The following ADAMTSL2 variants were observed in gnomAD, a reference collection of about 807,000 sequenced individuals.
The protein encoded by ADAMTSL2 is ADAMTS like 2.
In ADAMTSL2, 55 loss-of-function variants were observed where a neutral mutation model predicts 117.0. The observed-to-expected ratio is 0.47, with a 90% CI of 0.38 to 0.59. ADAMTSL2 has a LOEUF of 0.59. ADAMTSL2 is among the 20% of genes least tolerant of loss of function. The probability of loss-of-function intolerance (pLI) is 0.00; values close to 1 mark genes in which losing one functional copy is unlikely to be tolerated. For synonymous variants in ADAMTSL2, 572 were observed against 566.4 expected (o/e 1.01, Z -0.14); for missense variants, 1,182 against 1,354.5 (o/e 0.87, Z 2.00).
At chr9:133,543,266 G>T (rs1474749791) in intron 7 of ADAMTSL2, among the ~76,000 whole-genome samples, 1 of 152,212 alleles carries the variant, frequency 6.6e-6, no homozygotes, top group African/African-American at 2.4e-5. Flanking sequence ...CGGGTGTGCT[G>T]CAGCCTCTCT....
intron 2 of ADAMTSL2, 30 bp downstream of exon 2, chr9:133,536,832 A>T: frequency 6.2e-7 from 1 of 1,613,788 alleles, no homozygotes; most frequent in Non-Finnish European, 8.5e-7. Flanking sequence ...CTGAGGGCCC[A>T]TGCCAGTCCC....
intron 9 of ADAMTSL2, among the ~76,000 whole-genome samples, chr9:133,547,487 T>C (rs1433024789): frequency 4.6e-5 from 7 of 152,252 alleles, no homozygotes; most frequent in African/African-American, 1.7e-4. Context: ...ATTAATTCAT[T>C]TACCTGTTCA....
chr9:133,574,630 C>A (rs1422988517), intron 18 of ADAMTSL2, 116 bp from the exon 19 acceptor site: 1 of 843,500 alleles, frequency 1.2e-6, no homozygotes, highest in Non-Finnish European at 2.1e-6. Context: ...GATGGAGACC[C>A]ACCACGGGGT....
chr9:133,538,718 C>T (rs28580320), intron 4 of ADAMTSL2, among the ~76,000 whole-genome samples: 69 of 152,254 alleles, frequency 4.5e-4, no homozygotes, highest in African/African-American at 1.5e-3. Context: ...GGTCTCTGGT[C>T]GCAGCTCCAC....
In ADAMTSL2 at chr9:133,554,326, A is replaced by G. The variant is rs1328790668; in HGVS notation, c.940-31A>G. 11 of 1,522,804 alleles carry G rather than the reference A, an allele frequency of 7.2e-6. No individual in the cohort carries two copies. The African/African-American group carries it at 1.1e-4, about 15-fold the overall frequency. 94.3% of individuals were successfully genotyped at this position (1,522,804 alleles called of 1,614,324 possible). ...GGGGAAGGGGCTGGACAGAGTAAGG[A>G]GGGGCTGGGGACCCACTTCTCTTTC... On this transcript the variant is annotated intron_variant, in intron 9 of 18. Transcript: ENST00000651351. This position sits in a 1 kb window ranked among gnomAD's most constrained non-coding sequence, Gnocchi z 5.2.
At chr9:133,571,381 T>C (rs369395613) in intron 17 of ADAMTSL2, among the ~76,000 whole-genome samples, 1 of 152,096 alleles carries the variant, frequency 6.6e-6, no homozygotes, top group Non-Finnish European at 1.5e-5. Context: ...AACCAGCTCA[T>C]CCCAAGGGGC....
intron 1 of ADAMTSL2, among the ~76,000 whole-genome samples, chr9:133,536,345 G>A (rs1359163902): frequency 6.6e-6 from 1 of 152,248 alleles, no homozygotes; most frequent in Non-Finnish European, 1.5e-5. Context: ...AGCCCCCTCA[G>A]CCGAGGCTGG....
At chr9:133,533,795 C>T (rs1829987909), upstream of ADAMTSL2, among the ~76,000 whole-genome samples, 1 of 152,212 alleles carries the variant, frequency 6.6e-6, no homozygotes, top group South Asian at 2.1e-4. Context: ...GATGAAAAGA[C>T]ACAGATGACC....
chr9:133,538,365 G>C lies in ADAMTSL2; in HGVS notation c.250G>C (p.Gly84Arg). Residue 84 changes from glycine to arginine, a missense_variant, in exon 4 of 19, where the codon GGC (glycine) becomes CGC (arginine). Physicochemically the swap from Gly to Arg is moderately radical, Grantham distance 125. Coordinates refer to ENST00000651351, the MANE Select transcript of ADAMTSL2 (RefSeq NM_014694.4). Reference protein sequence around the residue: ...CLQQRRKSVPGPGNRTCTGTS... With the variant: ...CLQQRRKSVPRPGNRTCTGTS... Reference sequence around the variant, plus strand: ...TTCTGCCAGGAGGAAGTCCGTCCCGGGCCCCGGGAACAGGACCTGCACGGG... The same window carrying C: ...TTCTGCCAGGAGGAAGTCCGTCCCGCGCCCCGGGAACAGGACCTGCACGGG... The C allele has an allele frequency of 6.2e-7, 1 of 1,613,336 alleles. No homozygotes were observed. Among genetic ancestry groups the C allele is most frequent in the Admixed American group, 1.7e-5 (1 of 60,032 alleles).
intron 12 of ADAMTSL2, among the ~76,000 whole-genome samples, chr9:133,566,420 C>A (rs1830974354): frequency 2.6e-5 from 4 of 152,154 alleles, no homozygotes; most frequent in Non-Finnish European, 4.4e-5. Flanking sequence ...CAGCCTGGGC[C>A]ACGGAGTGAG....
chr9:133,562,839 C>T (rs1830774432), intron 12 of ADAMTSL2, among the ~76,000 whole-genome samples: 1 of 125,012 alleles, frequency 8.0e-6, no homozygotes, highest in African/African-American at 3.2e-5. Context: ...GTGGTGGGCA[C>T]CCGGCTTGGC....
chr9:133,534,825 G>T lies in ADAMTSL2; in HGVS notation c.-243G>T. On this transcript the variant is annotated 5_prime_UTR_variant, in exon 1 of 19. Coordinates refer to ENST00000651351, the MANE Select transcript of ADAMTSL2 (RefSeq NM_014694.4). ...GCCGGGCCGCAGCCTCTGCACTCACGCCGCCCCCGCACGCACAGCGCACCT... is the reference window on the plus strand; with the variant it reads ...GCCGGGCCGCAGCCTCTGCACTCACTCCGCCCCCGCACGCACAGCGCACCT... The T allele has an allele frequency of 1.3e-6, 2 of 1,495,440 alleles. No homozygotes were observed. The highest frequency in any genetic ancestry group is 2.6e-5 in the South Asian group (2 of 78,262). 92.6% of individuals were successfully genotyped at this position (1,495,440 alleles called of 1,614,324 possible). A position where few individuals can be genotyped will look rare whatever the true frequency, so the allele number is the denominator to read the frequency against.
rs1055508003 is a variant in ADAMTSL2, at chr9:133,555,817, G to C, written c.1536G>C (p.Gly512=). ...GGGCTGGCCCTTACCTGCTCAACGG[G>C]TCCTACCTGGAGCTGAGCAGCGACA... ...NEGAGPYLLN[G]SYLELSSDRV... is the part of the protein sequence containing the mutation. Residue 512 remains glycine (G), a synonymous_variant, in exon 11 of 19, where the codon GGG becomes GGC. Coordinates refer to ENST00000651351, the MANE Select transcript of ADAMTSL2 (RefSeq NM_014694.4). The C allele has an allele frequency of 2.5e-6, 4 of 1,613,828 alleles. No homozygotes were observed. Among genetic ancestry groups the C allele is most frequent in the South Asian group, 1.1e-5 (1 of 91,082 alleles).
At chr9:133,572,799 C>T (rs1831140942) in intron 17 of ADAMTSL2, among the ~76,000 whole-genome samples, 1 of 152,172 alleles carries the variant, frequency 6.6e-6, no homozygotes, top group African/African-American at 2.4e-5. Flanking sequence ...GATGCCGGTG[C>T]ATAGCGGCGG....
chr9:133,535,105 C>T (rs1054276898), intron 1 of ADAMTSL2, among the ~76,000 whole-genome samples, 188 bp downstream of exon 1: 1 of 152,188 alleles, frequency 6.6e-6, no homozygotes, highest in Non-Finnish European at 1.5e-5. Flanking sequence ...TAGCCTTGTG[C>T]GCCCGGAGCT....
chr9:133,546,926 A>T (rs1200968631), intron 8 of ADAMTSL2, 112 bp from the exon 9 acceptor site: 3 of 1,135,054 alleles, frequency 2.6e-6, no homozygotes, highest in Non-Finnish European at 4.0e-6. Context: ...TCTCGGGAGC[A>T]TTTGAGCCGG....
chr9:133,552,606 T>C (rs1277514784), intron 9 of ADAMTSL2, among the ~76,000 whole-genome samples: 3 of 152,164 alleles, frequency 2.0e-5, no homozygotes, highest in Non-Finnish European at 4.4e-5. Context: ...GAACATATTT[T>C]CCAGATCAGT....
chr9:133,544,795 G>C (rs1830310186), intron 8 of ADAMTSL2, among the ~76,000 whole-genome samples: 1 of 152,174 alleles, frequency 6.6e-6, no homozygotes. Context: ...TGGACAATGG[G>C]AGGGTGGTGA....
At position 133,558,260 on chromosome 9, in the gene ADAMTSL2, G is replaced by A. The variant is rs900218514; in HGVS notation, c.1649+2330G>A. Among the ~76,000 whole-genome samples, 10 of 152,328 alleles carry A rather than the reference G, an allele frequency of 6.6e-5. No individual in the cohort carries two copies. Among genetic ancestry groups the A allele is most frequent in the Non-Finnish European group, 1.3e-4 (9 of 68,026 alleles). On this transcript the variant is annotated intron_variant, in intron 11 of 18. Coordinates refer to ENST00000651351, the MANE Select transcript of ADAMTSL2 (RefSeq NM_014694.4). The surrounding 1 kb of genome is among the most constrained non-coding windows in gnomAD (Gnocchi z 4.3). The stretch of plus-strand genomic sequence containing the variant: ...CCATCAAAGGATGCTGCCGCACAGG[G>A]ACCAAAGATGGTGTGGAGAGATAAA...
Sources: gnomAD v4.1 joint callset for allele counts (sites outside exome capture counted in the v4.1 genomes callset) on GRCh38, gnomAD v4.1.1 for gene constraint, Gnocchi (gnomAD v3.1) non-coding constraint, MANE v1.5 for transcripts, NCBI Gene and HGNC (gene_info 2026-07-23, HGNC 2026-07-21) for gene names.